C20orf202: variants seen among roughly 807,000 people sequenced by gnomAD.
C20orf202 encodes the protein uncharacterized protein C20orf202.
C20orf202 carries 5 observed loss-of-function variants against 5.3 expected under a neutral mutation model. That is an observed-to-expected ratio of 0.94 (90% CI 0.49 to 1.98). The LOEUF (loss-of-function observed/expected upper bound fraction) is 1.98, where lower values mean the gene tolerates loss of function less well. Ranked by LOEUF, C20orf202 falls within the 30% of genes most tolerant of loss-of-function variation. C20orf202 has a pLI of 0.01. For missense variants in C20orf202, 135 were observed against 123.5 expected (o/e 1.09, Z -0.44); for synonymous variants, 48 against 50.0 (o/e 0.96, Z 0.16).
chr20:1,204,979 C>T (rs1397717893), intron 1 of C20orf202, among the ~76,000 whole-genome samples: 1 of 152,122 alleles, frequency 6.6e-6, no homozygotes, highest in African/African-American at 2.4e-5. Context: ...ACCCTAAAAT[C>T]GAGAAAACAC....
rs922955607 is a variant in C20orf202, at chr20:1,208,885, C to G, written c.*1783C>G. On this transcript the variant is annotated 3_prime_UTR_variant, in exon 2 of 2. Coordinates refer to ENST00000400633, the MANE Select transcript of C20orf202 (RefSeq NM_001394958.1). ...CCTTTCTCAGATAGCTGAATTTAAA[C>G]TCCAGGGAATTCCTCCTGTAAGTTT... Among the ~76,000 whole-genome samples, 5 of 152,220 alleles carry G rather than the reference C, an allele frequency of 3.3e-5. No individual in the cohort carries two copies. The highest frequency in any genetic ancestry group is 1.2e-4 in the African/African-American group (5 of 41,466).
chr20:1,205,960 G>A (rs892606556), intron 1 of C20orf202, among the ~76,000 whole-genome samples: 4 of 151,970 alleles, frequency 2.6e-5, no homozygotes, highest in Non-Finnish European at 1.5e-5. Flanking sequence ...GGCTGAGGTG[G>A]GAGGATCAGT....
At chr20:1,205,730 C>T (rs2087128851) in intron 1 of C20orf202, among the ~76,000 whole-genome samples, 1 of 152,068 alleles carries the variant, frequency 6.6e-6, no homozygotes, top group Non-Finnish European at 1.5e-5. Flanking sequence ...AAATATATGT[C>T]CTTTTGTAGC....
In C20orf202 at chr20:1,207,855, G is replaced by A. The variant is rs570023328; in HGVS notation, c.*753G>A. 1 of 152,348 alleles carries A rather than the reference G, an allele frequency of 6.6e-6. No individual in the cohort carries two copies. Among genetic ancestry groups the A allele is most frequent in the East Asian group, 1.9e-4 (1 of 5,188 alleles). 9.4% of individuals were successfully genotyped at this position (152,348 alleles called of 1,614,324 possible). On this transcript the variant is annotated 3_prime_UTR_variant, in exon 2 of 2. Coordinates refer to ENST00000400633, the MANE Select transcript of C20orf202 (RefSeq NM_001394958.1). ...GTAGAGAGAGGGCCACACAACAGAT[G>A]GACAGAGAGGAAGAGCGCTGGCTCT...
In C20orf202 at chr20:1,206,858, C is replaced by T; in HGVS notation, c.67-11C>T. 6.7e-7 allele frequency: 1 copy of T among 1,503,576 alleles called. No homozygotes were observed. Among genetic ancestry groups the T allele is most frequent in the Non-Finnish European group, 9.0e-7 (1 of 1,113,104 alleles). 93.1% of individuals were successfully genotyped at this position (1,503,576 alleles called of 1,614,324 possible). Reference sequence around the variant, plus strand: ...CCACGCATCCCCTCACAGGCTCCTTCTCTCTCCTAGTCTGAGATGCAGATT... The same window carrying T: ...CCACGCATCCCCTCACAGGCTCCTTTTCTCTCCTAGTCTGAGATGCAGATT... On this transcript the variant is annotated splice_polypyrimidine_tract_variant and intron_variant, in intron 1 of 1. Coordinates refer to ENST00000400633, the MANE Select transcript of C20orf202 (RefSeq NM_001394958.1).
intron 1 of C20orf202, among the ~76,000 whole-genome samples, chr20:1,205,879 T>C (rs993127483): frequency 1.1e-4 from 16 of 151,910 alleles, no homozygotes; most frequent in Admixed American, 3.9e-4. Flanking sequence ...CTGGGCAACA[T>C]GGCAAGACAT....
chr20:1,205,731 CT>C (rs2122716894), intron 1 of C20orf202, among the ~76,000 whole-genome samples: 1 of 152,212 alleles, frequency 6.6e-6, no homozygotes, highest in East Asian at 1.9e-4. Flanking sequence ...AATATATGTC[CT>C]TTTGTAGCTT....
Position 1,203,454 on chromosome 20 carries a change from C to T in C20orf202, c.-132C>T, listed in dbSNP as rs2087118359. 5.6e-6 allele frequency: 8 copies of T among 1,433,518 alleles called. No individual in the cohort carries two copies. The highest frequency in any genetic ancestry group is 7.4e-6 in the Non-Finnish European group (8 of 1,081,292). The allele number at this position is 1,433,518 out of a possible 1,614,324, so 88.8% of individuals were successfully genotyped here. On this transcript the variant is annotated 5_prime_UTR_variant, in exon 1 of 2. Transcript: ENST00000400633. Reference sequence around the variant, plus strand: ...TTTTCAATGTGAGCTACTTCCTGCTCTCATTAACTCCATCTTCAGTGATTT... The same window carrying T: ...TTTTCAATGTGAGCTACTTCCTGCTTTCATTAACTCCATCTTCAGTGATTT...
In C20orf202 at chr20:1,203,514, G is replaced by A. The variant is rs1314967954; in HGVS notation, c.-72G>A. ...CTGCTGCCAGTCTGAAAGAGTTGGG[G>A]GAATGTACAAGTCAAAGATCCCTCG... On this transcript the variant is annotated 5_prime_UTR_variant, in exon 1 of 2. Coordinates refer to ENST00000400633, the MANE Select transcript of C20orf202 (RefSeq NM_001394958.1). 2.3e-5 allele frequency: 35 copies of A among 1,545,786 alleles called. No individual in the cohort carries two copies. The highest frequency in any genetic ancestry group is 2.8e-5 in the Non-Finnish European group (32 of 1,144,526).
chr20:1,207,161 GA>G lies in C20orf202; in HGVS notation c.*60del. The G allele has an allele frequency of 8.4e-7, 1 of 1,188,996 alleles. No individual in the cohort carries two copies. The highest frequency in any genetic ancestry group is 1.1e-6 in the Non-Finnish European group (1 of 877,500). The allele number at this position is 1,188,996 out of a possible 1,614,324, so 73.7% of individuals were successfully genotyped here. Reference sequence around the variant, plus strand: ...CCCCATTAGTCTAACCTTTCACTGTGATATTTCAGGGGCAGAGTGTTGGAAT... The same window carrying G: ...CCCCATTAGTCTAACCTTTCACTGTGTATTTCAGGGGCAGAGTGTTGGAAT... On this transcript the variant is annotated 3_prime_UTR_variant, in exon 2 of 2. Transcript: ENST00000400633.
chr20:1,207,240 A>G lies in C20orf202; in HGVS notation c.*138A>G, dbSNP rs2122718633. ...TCATTTCTGCCCTCATCTGCTGTGCATCCCTGGATCTGTCACTCAGCTTCT... is the reference window on the plus strand; with the variant it reads ...TCATTTCTGCCCTCATCTGCTGTGCGTCCCTGGATCTGTCACTCAGCTTCT... On this transcript the variant is annotated 3_prime_UTR_variant, in exon 2 of 2. Transcript: ENST00000400633. The G allele has an allele frequency of 1.8e-6, 1 of 544,420 alleles. No homozygotes were observed. The highest frequency in any genetic ancestry group is 3.0e-5 in the East Asian group (1 of 33,018). The allele number at this position is 544,420 out of a possible 1,614,324, so 33.7% of individuals were successfully genotyped here.
chr20:1,203,903 G>A (rs192275229), intron 1 of C20orf202, among the ~76,000 whole-genome samples: 17 of 152,278 alleles, frequency 1.1e-4, no homozygotes, highest in East Asian at 5.8e-4. Context: ...TGAGTCCTCC[G>A]TGTGTGCTGA....
At position 1,206,786 on chromosome 20, in the gene C20orf202, C is replaced by G. The variant is rs190207305; in HGVS notation, c.67-83C>G. 552 of 947,928 alleles carry G rather than the reference C, an allele frequency of 5.8e-4. 2 individuals are homozygous for G. Among genetic ancestry groups the G allele is most frequent in the Non-Finnish European group, 1.8e-4 (118 of 654,226 alleles). The allele number at this position is 947,928 out of a possible 1,614,324, so 58.7% of individuals were successfully genotyped here. On this transcript the variant is annotated intron_variant, in intron 1 of 1. Coordinates refer to ENST00000400633, the MANE Select transcript of C20orf202 (RefSeq NM_001394958.1). ...TGCGAATCACAAGTGGGCTGGTCTC[C>G]GATGAGACAGCGAGGGAAGGGGCTT...
chr20:1,204,413 G>A lies in C20orf202; in HGVS notation c.66+762G>A, dbSNP rs147103753. Among the ~76,000 whole-genome samples the A allele has an allele frequency of 2.8e-3, 421 of 152,294 alleles. 2 individuals carry two copies. Among genetic ancestry groups the A allele is most frequent in the African/African-American group, 9.0e-3 (373 of 41,564 alleles). ...GAGAGGAAATTCATCTGCCCAGCTC[G>A]TTCCTGTCTCTCATTTCCCATTGGC... On this transcript the variant is annotated intron_variant, in intron 1 of 1. Transcript: ENST00000400633.
chr20:1,206,918 T>C lies in C20orf202; in HGVS notation c.116T>C (p.Leu39Pro). 6.4e-7 allele frequency: 1 copy of C among 1,551,154 alleles called. No individual in the cohort carries two copies. Among genetic ancestry groups the C allele is most frequent in the Non-Finnish European group, 8.7e-7 (1 of 1,146,576 alleles). Residue 39 changes from leucine (L) to proline (P), a missense_variant, in exon 2 of 2, where the codon CTT (leucine) becomes CCT (proline). Leu to Pro is a moderately conservative substitution (Grantham distance 98, BLOSUM62 -3). Coordinates refer to ENST00000400633, the MANE Select transcript of C20orf202 (RefSeq NM_001394958.1). Reference protein sequence around the residue: ...DQSLLLTLRHLHSVLEELRAD... With the variant: ...DQSLLLTLRHPHSVLEELRAD... ...AGTCTCCTGCTCACACTGAGGCATC[T>C]TCACAGTGTCCTGGAGGAGCTGCGT... is the stretch of plus-strand genomic sequence containing the variant.
In C20orf202 at chr20:1,208,806, A is replaced by ACCTACCTGGCCCTTT. The variant is rs1408247604; in HGVS notation, c.*1708_*1722dup. The stretch of plus-strand genomic sequence containing the variant: ...CCCCTGAAGTGTGGGTCCCTGCCTT[A>ACCTACCTGGCCCTTT]CCTACCTGGCCCTTTCCTGAGCTCA... On this transcript the variant is annotated 3_prime_UTR_variant, in exon 2 of 2. Coordinates refer to ENST00000400633, the MANE Select transcript of C20orf202 (RefSeq NM_001394958.1). Among the ~76,000 whole-genome samples, 140 of 152,164 alleles carry ACCTACCTGGCCCTTT rather than the reference A, an allele frequency of 9.2e-4. 1 individual carries two copies. Among genetic ancestry groups the ACCTACCTGGCCCTTT allele is most frequent in the African/African-American group, 3.2e-3 (133 of 41,526 alleles).
At chr20:1,204,239 A>C (rs1451740908) in intron 1 of C20orf202, among the ~76,000 whole-genome samples, 3 of 152,132 alleles carry the variant, frequency 2.0e-5, no homozygotes, top group Non-Finnish European at 4.4e-5. Flanking sequence ...AGCAGAGGCC[A>C]ATGCTATGCC....
chr20:1,206,778 C>T, intron 1 of C20orf202, 91 bp from the exon 2 acceptor site: 3 of 806,256 alleles, frequency 3.7e-6, no homozygotes, highest in Non-Finnish European at 5.6e-6. Flanking sequence ...CACAAGTGGG[C>T]TGGTCTCCGA....
In C20orf202 at chr20:1,206,993, C is replaced by A. The variant is rs1334544699; in HGVS notation, c.191C>A (p.Pro64His). The A allele has an allele frequency of 1.2e-5, 18 of 1,551,428 alleles. No individual in the cohort carries two copies. Among genetic ancestry groups the A allele is most frequent in the Non-Finnish European group, 1.5e-5 (17 of 1,146,850 alleles). Residue 64 changes from proline to histidine, a missense_variant, in exon 2 of 2, where the codon CCC becomes CAC. By Grantham distance (77) the Pro-to-His change is moderately conservative. Transcript: ENST00000400633. ...GCCAGGTCCAGCGGAGGGACATCCC[C>A]CATCAGAGCTCGAGCGGGCTCCGAA... ...EDARSSGGTS[P>H]IRARAGSEGR...
Sources: gnomAD v4.1 joint callset for allele counts (sites outside exome capture counted in the v4.1 genomes callset) on GRCh38, gnomAD v4.1.1 for gene constraint, MANE v1.5 for transcripts, NCBI Gene and HGNC (gene_info 2026-07-23, HGNC 2026-07-21) for gene names.